Variants in ZFHX3 observed in about 807,000 individuals in gnomAD.
ZFHX3 encodes zinc finger homeobox protein 3.
A neutral mutation model predicts 279.1 loss-of-function variants in ZFHX3; 42 were observed. That is an observed-to-expected ratio of 0.15 (90% CI 0.12 to 0.19). The LOEUF is 0.19. ZFHX3 is among the 10% of genes least tolerant of loss of function. ZFHX3 has a pLI of 1.00. For missense variants in ZFHX3, 4,981 were observed against 4,754.0 expected (o/e 1.05, Z -1.40); for synonymous variants, 2,293 against 1,957.8 (o/e 1.17, Z -4.52).
chr16:73,197,924 G>GTTTTTTTTTTTTTT (rs71156148), intron 5 of ZFHX3, among the ~76,000 whole-genome samples: 6 of 53,782 alleles, frequency 1.1e-4, no homozygotes, highest in African/African-American at 1.4e-4. Context: ...TGATTTGGTG[G>GTTTTTTTTTTTTTT]TTTTTTTTTT....
At chr16:72,882,056 A>C (rs944490600) in intron 4 of ZFHX3, among the ~76,000 whole-genome samples, 1 of 152,016 alleles carries the variant, frequency 6.6e-6, no homozygotes, top group African/African-American at 2.4e-5. Context: ...GGTCTCTGGC[A>C]TACTCACACC....
At chr16:73,867,443 G>T (rs556868651) in intron 1 of ZFHX3, among the ~76,000 whole-genome samples, 1 of 152,058 alleles carries the variant, frequency 6.6e-6, no homozygotes, top group Non-Finnish European at 1.5e-5. Context: ...CCAGCATCAC[G>T]GGAACCACAA....
At chr16:73,619,065 A>G (rs2052332218) in intron 2 of ZFHX3, among the ~76,000 whole-genome samples, 1 of 152,214 alleles carries the variant, frequency 6.6e-6, no homozygotes, top group Non-Finnish European at 1.5e-5. Flanking sequence ...ATGGGTGTTT[A>G]AGATGGGAAG....
In ZFHX3 at chr16:73,254,229, A is replaced by G. The variant is rs74030014; in HGVS notation, c.-1104+2818T>C. Among the ~76,000 whole-genome samples, 1,359 of 152,224 alleles carry G rather than the reference A, an allele frequency of 8.9e-3. 20 individuals carry two copies. The highest frequency in any genetic ancestry group is 0.031 in the African/African-American group (1,280 of 41,520). ...GAATTACATACACATGGTCTGAGGCACTTCTTACCGGATCCATCCTTCCCA... is the reference window on the plus strand; with the variant it reads ...GAATTACATACACATGGTCTGAGGCGCTTCTTACCGGATCCATCCTTCCCA... On this transcript the variant is annotated intron_variant, in intron 5 of 17. Coordinates refer to the ZFHX3 transcript ENST00000641206.
intron 1 of ZFHX3, among the ~76,000 whole-genome samples, chr16:73,859,462 G>A (rs776602214): frequency 1.3e-5 from 2 of 152,176 alleles, no homozygotes; most frequent in Admixed American, 1.3e-4. Flanking sequence ...TCAAATGGAA[G>A]TCTGTAGATC....
chr16:73,683,033 A>G (rs1053353886), intron 1 of ZFHX3, among the ~76,000 whole-genome samples: 13 of 152,014 alleles, frequency 8.6e-5, no homozygotes, highest in Middle Eastern at 3.4e-3. Context: ...AGGGAGGGAG[A>G]AGGAAGGAAA....
At chr16:73,079,901 T>C (rs190501133) in intron 8 of ZFHX3, among the ~76,000 whole-genome samples, 5 of 152,300 alleles carry the variant, frequency 3.3e-5, no homozygotes, top group East Asian at 1.9e-4. Flanking sequence ...TCCCTTGTGG[T>C]TCTTGCCTAC....
intron 7 of ZFHX3, among the ~76,000 whole-genome samples, chr16:73,110,055 A>G (rs1360071538): frequency 6.6e-6 from 1 of 151,848 alleles, no homozygotes; most frequent in Non-Finnish European, 1.5e-5. Flanking sequence ...CCTGGCTCAC[A>G]TGGTGAAACC....
At chr16:73,301,829 A>G (rs1465224934) in intron 4 of ZFHX3, among the ~76,000 whole-genome samples, 2 of 150,202 alleles carry the variant, frequency 1.3e-5, no homozygotes, top group Non-Finnish European at 2.9e-5. Flanking sequence ...TGCAGTGTGC[A>G]TAAGCCTTTC....
At chr16:73,845,343 T>G (rs1427887638) in intron 1 of ZFHX3, among the ~76,000 whole-genome samples, 5 of 152,158 alleles carry the variant, frequency 3.3e-5, no homozygotes, top group Non-Finnish European at 7.3e-5. Context: ...CTGTCTTTGA[T>G]ATCCAGGAGG....
intron 7 of ZFHX3, among the ~76,000 whole-genome samples, chr16:73,113,856 G>T (rs919549079): frequency 7.2e-6 from 1 of 138,428 alleles, no homozygotes; most frequent in Non-Finnish European, 1.5e-5. Flanking sequence ...GTGCAGTGGC[G>T]CGATCTCTGC....
intron 2 of ZFHX3, among the ~76,000 whole-genome samples, chr16:73,553,859 T>G (rs2020237664): frequency 1.3e-5 from 2 of 152,194 alleles, no homozygotes; most frequent in Admixed American, 1.3e-4. Context: ...AGAAATGGAT[T>G]TTCTCTTTCT....
intron 1 of ZFHX3, among the ~76,000 whole-genome samples, chr16:73,045,502 C>T (rs1216487113): frequency 1.3e-5 from 2 of 152,116 alleles, no homozygotes; most frequent in Non-Finnish European, 2.9e-5. Context: ...GTGGGAAGAG[C>T]CAGGCAGGGG....
At chr16:73,275,179 G>A (rs1005697231) in intron 4 of ZFHX3, among the ~76,000 whole-genome samples, 7 of 152,136 alleles carry the variant, frequency 4.6e-5, no homozygotes, top group African/African-American at 1.7e-4. Context: ...TTGTTACTTT[G>A]TATTTGTGTT....
Position 73,600,851 on chromosome 16 carries a change from G to A in ZFHX3, c.-1547+79329C>T, listed in dbSNP as rs192788406. 2.6e-5 allele frequency among the ~76,000 whole-genome samples: 4 copies of A among 152,182 alleles called. No individual in the cohort carries two copies. The East Asian group carries it at 7.8e-4, about 29-fold the overall frequency. On this transcript the variant is annotated intron_variant, in intron 2 of 17. Coordinates refer to the ZFHX3 transcript ENST00000641206. ...GTAGGCACATACCCAAATCTGGTTT[G>A]TCATGGAACACCACTGCCCTGAACA...
At chr16:73,505,360 T>C (rs1308889160) in intron 2 of ZFHX3, among the ~76,000 whole-genome samples, 1 of 152,088 alleles carries the variant, frequency 6.6e-6, no homozygotes, top group African/African-American at 2.4e-5. Flanking sequence ...AAGCAGGGCG[T>C]GAACAGTAGG....
At chr16:72,877,183 C>T (rs1404225837) in intron 4 of ZFHX3, among the ~76,000 whole-genome samples, 1 of 152,164 alleles carries the variant, frequency 6.6e-6, no homozygotes, top group African/African-American at 2.4e-5. Flanking sequence ...GGTCTGGGCA[C>T]AGGTCCGCAG....
intron 3 of ZFHX3, among the ~76,000 whole-genome samples, chr16:73,408,826 A>G (rs1001907969): frequency 6.6e-6 from 1 of 151,930 alleles, no homozygotes; most frequent in South Asian, 2.1e-4. Context: ...GTCCTCTCCC[A>G]TGGGAGAGGA....
chr16:73,066,113 G>T (rs1389352673), intron 8 of ZFHX3, among the ~76,000 whole-genome samples: 1 of 152,224 alleles, frequency 6.6e-6, no homozygotes, highest in Non-Finnish European at 1.5e-5. Flanking sequence ...AAGGCTGCGG[G>T]CAGGGCACTG....
Sources: gnomAD v4.1 joint callset for allele counts (sites outside exome capture counted in the v4.1 genomes callset) on GRCh38, gnomAD v4.1.1 for gene constraint, MANE v1.5 for transcripts, NCBI Gene and HGNC (gene_info 2026-07-23, HGNC 2026-07-21) for gene names.